EXT1: variants seen among roughly 807,000 people sequenced by gnomAD.
The protein encoded by EXT1 is exostosin-1.
EXT1 carries 20 observed loss-of-function variants against 82.5 expected under a neutral mutation model. The ratio of observed to expected loss-of-function variants is 0.24; its 90% confidence interval spans 0.17 to 0.35. The LOEUF is 0.35. Ranked by LOEUF, EXT1 falls within the 10% of genes least tolerant of loss-of-function variation. The pLI is 1.00. For synonymous variants in EXT1, 348 were observed against 350.8 expected, an observed-to-expected ratio of 0.99 and a Z score of 0.09; for missense variants, 757 against 936.5, an observed-to-expected ratio of 0.81 and a Z score of 2.50.
intron 1 of EXT1, among the ~76,000 whole-genome samples, chr8:117,842,860 GC>G (rs1374844226): frequency 6.6e-6 from 1 of 152,186 alleles, no homozygotes; most frequent in African/African-American, 2.4e-5. Flanking sequence ...TCCCTCTGTA[GC>G]ACGCATATTT....
intron 1 of EXT1, among the ~76,000 whole-genome samples, chr8:118,082,727 T>C (rs1298875222): frequency 6.6e-6 from 1 of 152,134 alleles, no homozygotes; most frequent in African/African-American, 2.4e-5. Context: ...TAACTATAAT[T>C]ATATAGTGAG....
intron 5 of EXT1, among the ~76,000 whole-genome samples, chr8:117,820,747 A>T (rs1586997117): frequency 6.6e-6 from 1 of 152,196 alleles, no homozygotes; most frequent in African/African-American, 2.4e-5. Flanking sequence ...ACAGGACTTA[A>T]CAAATGACAA....
chr8:117,922,546 C>T (rs1813875691), intron 1 of EXT1, among the ~76,000 whole-genome samples: 1 of 152,148 alleles, frequency 6.6e-6, no homozygotes, highest in East Asian at 1.9e-4. Context: ...ATCCACCTTT[C>T]TTAGGATTGA....
chr8:117,922,356 C>T (rs1813872365), intron 1 of EXT1, among the ~76,000 whole-genome samples: 1 of 152,056 alleles, frequency 6.6e-6, no homozygotes, highest in Non-Finnish European at 1.5e-5. Context: ...GAGTACTTTC[C>T]CAAGGAGTTG....
At chr8:117,881,290 T>G (rs989121347) in intron 1 of EXT1, among the ~76,000 whole-genome samples, 1 of 152,180 alleles carries the variant, frequency 6.6e-6, no homozygotes, top group African/African-American at 2.4e-5. Flanking sequence ...GCCTAACATA[T>G]TTACTATCTG....
chr8:117,985,373 C>T (rs1276660927), intron 1 of EXT1, among the ~76,000 whole-genome samples: 1 of 152,212 alleles, frequency 6.6e-6, no homozygotes, highest in African/African-American at 2.4e-5. Context: ...GGCACCAATC[C>T]TGCCTGTTAA....
chr8:118,010,988 G>C (rs1466997413), intron 1 of EXT1, among the ~76,000 whole-genome samples: 1 of 152,200 alleles, frequency 6.6e-6, no homozygotes, highest in Non-Finnish European at 1.5e-5. Flanking sequence ...GGAGCTTGCA[G>C]GAAAGAAGAG....
In EXT1 at chr8:118,108,840, G is replaced by A. The variant is rs568980919; in HGVS notation, c.962+1245C>T. 5.2e-4 allele frequency among the ~76,000 whole-genome samples: 79 copies of A among 152,244 alleles called. 1 individual carries two copies. The South Asian group carries it at 0.015, about 29-fold the overall frequency. ...CCCTTCCTGTTCCAATCAGGTTTGC[G>A]AAACATTTCCCCTATTCTGCATTTC... On this transcript the variant is annotated intron_variant, in intron 1 of 10. Coordinates refer to ENST00000378204, the MANE Select transcript of EXT1 (RefSeq NM_000127.3).
chr8:118,019,455 C>T (rs918349889), intron 1 of EXT1, among the ~76,000 whole-genome samples: 3 of 152,148 alleles, frequency 2.0e-5, no homozygotes, highest in African/African-American at 7.2e-5. Flanking sequence ...CTTCTTAAAA[C>T]AGGAAGAATC....
intron 1 of EXT1, among the ~76,000 whole-genome samples, chr8:118,051,171 A>G (rs944105132): frequency 6.6e-6 from 1 of 152,032 alleles, no homozygotes; most frequent in African/African-American, 2.4e-5. Flanking sequence ...CTCCATCTCT[A>G]CCAAAAATAT....
intron 1 of EXT1, among the ~76,000 whole-genome samples, chr8:117,895,795 A>G (rs1465605090): frequency 2.6e-5 from 4 of 152,072 alleles, no homozygotes; most frequent in African/African-American, 9.7e-5. Flanking sequence ...GGAAACACTA[A>G]TCATGTCCTC....
chr8:117,965,118 T>C (rs763676231), intron 1 of EXT1, among the ~76,000 whole-genome samples: 38 of 150,618 alleles, frequency 2.5e-4, no homozygotes, highest in Admixed American at 1.4e-3. Context: ...TTGAGATACG[T>C]AGTGTCTTGT....
At chr8:117,884,306 G>A (rs1472279510) in intron 1 of EXT1, among the ~76,000 whole-genome samples, 1 of 152,202 alleles carries the variant, frequency 6.6e-6, no homozygotes, top group Non-Finnish European at 1.5e-5. Context: ...GAATGAAGGG[G>A]GAAAGGGATT....
chr8:117,972,524 C>T (rs1201058485), intron 1 of EXT1, among the ~76,000 whole-genome samples: 1 of 152,164 alleles, frequency 6.6e-6, no homozygotes, highest in Admixed American at 6.5e-5. Context: ...TGCCTTTTTC[C>T]ATCCCAGTGG....
chr8:117,891,799 T>A (rs556236678), intron 1 of EXT1, among the ~76,000 whole-genome samples: 1 of 143,018 alleles, frequency 7.0e-6, no homozygotes, highest in African/African-American at 2.6e-5. Context: ...GTTTTCTTTT[T>A]TCTTGCTTTT....
chr8:118,059,207 G>A (rs903056894), intron 1 of EXT1, among the ~76,000 whole-genome samples: 12 of 152,134 alleles, frequency 7.9e-5, no homozygotes, highest in African/African-American at 2.2e-4. Flanking sequence ...AGTAGCCAGC[G>A]GCTCACGGCA....
chr8:118,049,697 T>G (rs562345731), intron 1 of EXT1, among the ~76,000 whole-genome samples: 1 of 152,220 alleles, frequency 6.6e-6, no homozygotes, highest in Non-Finnish European at 1.5e-5. Context: ...AAGAAGACAT[T>G]GCCAATAAAC....
At chr8:118,037,559 A>T (rs547728357) in intron 1 of EXT1, among the ~76,000 whole-genome samples, 1 of 152,086 alleles carries the variant, frequency 6.6e-6, no homozygotes, top group East Asian at 1.9e-4. Context: ...GAGAAAGAGA[A>T]ATTAATGTGT....
chr8:117,882,166 C>T (rs138247265), intron 1 of EXT1, among the ~76,000 whole-genome samples: 2,368 of 152,248 alleles, frequency 0.016, 36 homozygotes, highest in Non-Finnish European at 0.021. Flanking sequence ...ACTGCAGCTC[C>T]GCTTCCTGGG....
Sources: gnomAD v4.1 joint callset for allele counts (sites outside exome capture counted in the v4.1 genomes callset) on GRCh38, gnomAD v4.1.1 for gene constraint, MANE v1.5 for transcripts, NCBI Gene and HGNC (gene_info 2026-07-23, HGNC 2026-07-21) for gene names.